CSMD3: variants seen among roughly 807,000 people sequenced by gnomAD.
The protein encoded by CSMD3 is CUB and Sushi multiple domains 3.
In CSMD3, 177 loss-of-function variants were observed where a neutral mutation model predicts 435.2. The ratio of observed to expected loss-of-function variants is 0.41; its 90% CI spans 0.36 to 0.46. CSMD3 has a LOEUF of 0.46. Ranked by LOEUF, CSMD3 falls within the 20% of genes least tolerant of loss-of-function variation. CSMD3 has a pLI of 0.34. For missense variants in CSMD3, 4,265 were observed against 4,504.6 expected (o/e 0.95, Z 1.52); for synonymous variants, 1,656 against 1,520.5 (o/e 1.09, Z -2.07).
chr8:112,431,544 G>A (rs1026007927), intron 32 of CSMD3, among the ~76,000 whole-genome samples: 4 of 152,130 alleles, frequency 2.6e-5, no homozygotes, highest in African/African-American at 9.7e-5. Flanking sequence ...GAGGTATGGT[G>A]CGTGTCTACT....
At chr8:112,894,141 T>C (rs2081882545) in intron 10 of CSMD3, among the ~76,000 whole-genome samples, 1 of 151,478 alleles carries the variant, frequency 6.6e-6, no homozygotes, top group Non-Finnish European at 1.5e-5. Context: ...CAGAAATTTT[T>C]ACTTACCACT....
intron 58 of CSMD3, 62 bp downstream of exon 58, chr8:112,287,002 T>C (rs1819271479): frequency 7.3e-7 from 1 of 1,363,858 alleles, no homozygotes; most frequent in Admixed American, 1.7e-5. Flanking sequence ...AGTACTCATC[T>C]GGATTTAGAT....
At chr8:112,675,505 C>T (rs2075752382) in intron 16 of CSMD3, among the ~76,000 whole-genome samples, 1 of 152,038 alleles carries the variant, frequency 6.6e-6, no homozygotes, top group Non-Finnish European at 1.5e-5. Flanking sequence ...CTGCTGACTA[C>T]AGTGTAGGGG....
intron 2 of CSMD3, among the ~76,000 whole-genome samples, chr8:113,288,037 G>C (rs1269581040): frequency 1.3e-5 from 2 of 151,780 alleles, no homozygotes; most frequent in African/African-American, 4.8e-5. Flanking sequence ...TTATTTTCTA[G>C]TAAATTATTT....
At chr8:112,419,908 A>G (rs1812297512) in intron 32 of CSMD3, among the ~76,000 whole-genome samples, 1 of 152,194 alleles carries the variant, frequency 6.6e-6, no homozygotes. Context: ...AAGCGATTCC[A>G]TTGTATGTTT....
intron 38 of CSMD3, 111 bp downstream of exon 38, chr8:112,380,239 GAC>G (rs1829342218): frequency 1.7e-6 from 1 of 597,802 alleles, no homozygotes; most frequent in Non-Finnish European, 3.0e-6. Context: ...AAGAAAATAA[GAC>G]AATGTTTTCT....
chr8:112,280,064 C>T (rs1311129209), intron 59 of CSMD3, among the ~76,000 whole-genome samples: 1 of 151,986 alleles, frequency 6.6e-6, no homozygotes, highest in African/African-American at 2.4e-5. Context: ...AAAAGGAGCC[C>T]AGAAATAAAA....
chr8:113,232,156 T>A (rs1398539783), intron 3 of CSMD3, among the ~76,000 whole-genome samples: 1 of 151,594 alleles, frequency 6.6e-6, no homozygotes, highest in Non-Finnish European at 1.5e-5. Flanking sequence ...ACCTTCCATG[T>A]ACTTTTCTCA....
At chr8:112,540,344 T>A (rs781509004) in intron 27 of CSMD3, among the ~76,000 whole-genome samples, 9 of 152,012 alleles carry the variant, frequency 5.9e-5, no homozygotes, top group Non-Finnish European at 1.2e-4. Context: ...GAATGTTAAT[T>A]AATGCAGCAA....
chr8:112,952,264 G>A (rs1013101031), intron 8 of CSMD3, among the ~76,000 whole-genome samples: 1 of 151,418 alleles, frequency 6.6e-6, no homozygotes, highest in Admixed American at 6.6e-5. Context: ...ATCTAAAGGT[G>A]CCATTATGAG....
In CSMD3 at chr8:112,846,303, TTTCC is replaced by T. The variant is rs371264028; in HGVS notation, c.1755+12838_1755+12841del. On this transcript the variant is annotated intron_variant, in intron 11 of 70. Coordinates refer to ENST00000297405, the MANE Select transcript of CSMD3 (RefSeq NM_198123.2). The stretch of plus-strand genomic sequence containing the variant: ...TTTCCTTCTCTCTCTCTCTTTCTCC[TTTCC>T]TTCCTTCCTTCCTTTCCTTTCTCTT... Among the ~76,000 whole-genome samples, 106 of 150,962 alleles carry T rather than the reference TTTCC, an allele frequency of 7.0e-4. 1 individual carries two copies. The highest frequency in any genetic ancestry group is 6.8e-3 in the Middle Eastern group (2 of 292).
chr8:112,365,310 A>T (rs1827659495), intron 38 of CSMD3, among the ~76,000 whole-genome samples: 2 of 152,006 alleles, frequency 1.3e-5, no homozygotes, highest in South Asian at 4.1e-4. Flanking sequence ...AAACTTATTT[A>T]TATGTTAGGT....
At chr8:112,718,824 T>C (rs1242673642) in intron 13 of CSMD3, among the ~76,000 whole-genome samples, 1 of 152,062 alleles carries the variant, frequency 6.6e-6, no homozygotes, top group African/African-American at 2.4e-5. Context: ...CCTTGTCTAT[T>C]TTGTCTTCTC....
intron 32 of CSMD3, among the ~76,000 whole-genome samples, chr8:112,451,543 CTTT>C (rs894273159): frequency 6.9e-6 from 1 of 144,722 alleles, no homozygotes; most frequent in African/African-American, 2.5e-5. Flanking sequence ...ATAATCTTCT[CTTT>C]TTTTTTTTTG....
intron 22 of CSMD3, among the ~76,000 whole-genome samples, chr8:112,636,285 T>C (rs932101641): frequency 1.3e-5 from 2 of 152,130 alleles, no homozygotes; most frequent in African/African-American, 4.8e-5. Flanking sequence ...TATCAAATAT[T>C]GAGCCAATAA....
chr8:112,289,943 G>A (rs1819598942), intron 56 of CSMD3, among the ~76,000 whole-genome samples: 1 of 152,050 alleles, frequency 6.6e-6, no homozygotes, highest in African/African-American at 2.4e-5. Context: ...TAAGGACATA[G>A]GACACCATGT....
chr8:112,662,676 A>T (rs7013101), intron 17 of CSMD3, among the ~76,000 whole-genome samples: 15,287 of 152,220 alleles, frequency 0.1, 887 homozygotes, highest in Middle Eastern at 0.29. Flanking sequence ...GACAAATGGG[A>T]TCTAATTAAA....
chr8:112,438,341 C>T (rs1034445833), intron 32 of CSMD3, among the ~76,000 whole-genome samples: 1 of 152,156 alleles, frequency 6.6e-6, no homozygotes, highest in African/African-American at 2.4e-5. Context: ...TAACATGTGA[C>T]AGAATGCTGA....
Position 112,289,489 on chromosome 8 carries a change from G to T in CSMD3, c.9024C>A (p.Gly3008=). The change falls in exon 57 of 71, where the codon GGC becomes GGA. Residue 3008 remains glycine, a synonymous_variant. Transcript: ENST00000297405. ...PGVPPNAVLS[G]EKYTFGSTVH... ...CAGTAGACCCAAAAGTATACTTCTCGCCAGACAGGACTGCATTAGGAGGAA... is the reference window on the plus strand; with the variant it reads ...CAGTAGACCCAAAAGTATACTTCTCTCCAGACAGGACTGCATTAGGAGGAA... The T allele has an allele frequency of 6.2e-7, 1 of 1,612,792 alleles. No homozygotes were observed. Among genetic ancestry groups the T allele is most frequent in the South Asian group, 1.1e-5 (1 of 91,060 alleles).
Sources: gnomAD v4.1 joint callset for allele counts (sites outside exome capture counted in the v4.1 genomes callset) on GRCh38, gnomAD v4.1.1 for gene constraint, MANE v1.5 for transcripts, NCBI Gene and HGNC (gene_info 2026-07-23, HGNC 2026-07-21) for gene names.